WDFY1: variants seen among roughly 807,000 people sequenced by gnomAD.
The protein encoded by WDFY1 is WD repeat and FYVE domain containing 1, also known as WD repeat and FYVE domain-containing protein 1.
A neutral mutation model predicts 56.4 loss-of-function variants in WDFY1; 32 were observed. The ratio of observed to expected loss-of-function variants is 0.57; its 90% CI spans 0.43 to 0.76. The LOEUF (loss-of-function observed/expected upper bound fraction) is 0.76, where lower values mean the gene tolerates loss of function less well. WDFY1 is among the 30% of genes least tolerant of loss of function. The pLI is 0.00. For missense variants in WDFY1, 480 were observed against 545.7 expected (o/e 0.88, Z 1.20); for synonymous variants, 192 against 197.3 (o/e 0.97, Z 0.23).
intron 10 of WDFY1, among the ~76,000 whole-genome samples, chr2:223,881,517 C>T (rs1005829018): frequency 4.6e-5 from 7 of 152,174 alleles, no homozygotes; most frequent in African/African-American, 9.7e-5. Flanking sequence ...GGGCCAGGCA[C>T]GGTGGCTCGC....
At chr2:223,926,802 G>C (rs1211425635) in intron 1 of WDFY1, among the ~76,000 whole-genome samples, 1 of 152,098 alleles carries the variant, frequency 6.6e-6, no homozygotes, top group Non-Finnish European at 1.5e-5. Context: ...TGAGCAGCTG[G>C]ACTTACAGAT....
chr2:223,940,103 G>C (rs1210386258), intron 1 of WDFY1, among the ~76,000 whole-genome samples: 2 of 152,134 alleles, frequency 1.3e-5, no homozygotes, highest in Admixed American at 6.5e-5. Context: ...GGTGGATCAC[G>C]AGGTTTGGAG....
In WDFY1 at chr2:223,905,955, G is replaced by A; in HGVS notation, c.326C>T (p.Thr109Ile). 1 of 1,576,078 alleles carries A rather than the reference G, an allele frequency of 6.3e-7. No homozygotes were observed. The highest frequency in any genetic ancestry group is 1.2e-5 in the South Asian group (1 of 84,224). The change falls in exon 4 of 12, where the codon ACC becomes ATC. Residue 109 changes from threonine to isoleucine, a missense_variant. Coordinates refer to ENST00000233055, the MANE Select transcript of WDFY1 (RefSeq NM_020830.5). ...EDFNKMNFIK[T>I]YPAHQNRVSA... ...ATGTGTATTATAATTACCTGGGTAG[G>A]TCTTGATAAAGTTCATTTTATTAAA...
chr2:223,888,901 C>CTTT (rs71058955), intron 8 of WDFY1, among the ~76,000 whole-genome samples: 1 of 61,432 alleles, frequency 1.6e-5, no homozygotes, highest in African/African-American at 6.6e-5. Flanking sequence ...ATTCTCAACT[C>CTTT]TTTTTTTTTT....
chr2:223,886,968 C>CT (rs1414491828), intron 8 of WDFY1, among the ~76,000 whole-genome samples: 1 of 151,758 alleles, frequency 6.6e-6, no homozygotes, highest in Non-Finnish European at 1.5e-5. Flanking sequence ...TTAGAAAGGC[C>CT]TTTTTTTGAG....
In WDFY1 at chr2:223,903,124, A is replaced by G. The variant is rs1243776864; in HGVS notation, c.335-1791T>C. Among the ~76,000 whole-genome samples the G allele has an allele frequency of 6.2e-4, 94 of 152,184 alleles. 1 individual carries two copies. The highest frequency in any genetic ancestry group is 2.9e-4 in the Non-Finnish European group (20 of 68,030). ...CAAAATAAAAAATACAGCAATCCCT[A>G]TATTAGTCCTCCAAATGTTTTCTAA... is the stretch of plus-strand genomic sequence containing the variant. On this transcript the variant is annotated intron_variant, in intron 4 of 11. Transcript: ENST00000233055.
At chr2:223,926,334 A>G (rs1693977878) in intron 1 of WDFY1, among the ~76,000 whole-genome samples, 1 of 152,106 alleles carries the variant, frequency 6.6e-6, no homozygotes, top group African/African-American at 2.4e-5. Context: ...GCTTTTATAA[A>G]GTCTCATTCT....
chr2:223,893,046 C>A (rs981344130), intron 8 of WDFY1, among the ~76,000 whole-genome samples: 1 of 152,084 alleles, frequency 6.6e-6, no homozygotes, highest in African/African-American at 2.4e-5. Context: ...ACAGTACAGG[C>A]AGAGATGAGA....
At chr2:223,897,992 A>T (rs543437767) in intron 6 of WDFY1, among the ~76,000 whole-genome samples, 8 of 152,062 alleles carry the variant, frequency 5.3e-5, no homozygotes, top group African/African-American at 1.9e-4. Flanking sequence ...AACCAATTAA[A>T]CCTCTTTTCT....
intron 1 of WDFY1, among the ~76,000 whole-genome samples, chr2:223,935,692 AAGATGAAT>A (rs1694157704): frequency 6.6e-6 from 1 of 152,234 alleles, no homozygotes; most frequent in African/African-American, 2.4e-5. Flanking sequence ...GTGGGAAGAT[AAGATGAAT>A]AAACACAAAG....
chr2:223,923,629 C>T (rs504330), intron 1 of WDFY1, among the ~76,000 whole-genome samples: 49,035 of 151,714 alleles, frequency 0.32, 9,354 homozygotes, highest in Non-Finnish European at 0.42. Flanking sequence ...GGCGTGGTGG[C>T]GGGCACCTGT....
chr2:223,884,666 C>G lies in WDFY1; in HGVS notation c.915G>C (p.Lys305Asn). Residue 305 changes from lysine to asparagine, a missense_variant, in exon 9 of 12, where the codon AAG becomes AAC. By Grantham distance (94) the Lys-to-Asn change is moderately conservative (BLOSUM62 0). Transcript: ENST00000233055. ...TACTCACTTGTCTTAGCCCCAGCGT[C>G]TTGGTGTCCCACATCTGCTTTATGT... ...FWNIKQMWDT[K>N]TLGLRQHHCR... The G allele has an allele frequency of 6.2e-7, 1 of 1,614,112 alleles. No individual in the cohort carries two copies. Among genetic ancestry groups the G allele is most frequent in the Non-Finnish European group, 8.5e-7 (1 of 1,179,974 alleles).
At chr2:223,894,868 G>A (rs1289395455) in intron 7 of WDFY1, among the ~76,000 whole-genome samples, 1 of 152,118 alleles carries the variant, frequency 6.6e-6, no homozygotes, top group East Asian at 1.9e-4. Flanking sequence ...TGTTATACTT[G>A]TGTATAATAT....
At position 223,945,328 on chromosome 2, in the gene WDFY1, C is replaced by T; in HGVS notation, c.-44G>A. 1.3e-6 allele frequency: 2 copies of T among 1,517,006 alleles called. No individual in the cohort carries two copies. The highest frequency in any genetic ancestry group is 1.8e-6 in the Non-Finnish European group (2 of 1,141,678). The allele number at this position is 1,517,006 out of a possible 1,614,324, so 94.0% of individuals were successfully genotyped here. On this transcript the variant is annotated 5_prime_UTR_variant, in exon 1 of 12. Coordinates refer to ENST00000233055, the MANE Select transcript of WDFY1 (RefSeq NM_020830.5). ...GCGGCCTCCTCGGCAGGCAGCCCAT[C>T]AGCTGACGCCTGGGCGGGCGGGGGA...
At position 223,875,475 on chromosome 2, in the gene WDFY1, T is replaced by C. The variant is rs1204263231; in HGVS notation, c.*3196A>G. On this transcript the variant is annotated 3_prime_UTR_variant, in exon 12 of 12. Coordinates refer to ENST00000233055, the MANE Select transcript of WDFY1 (RefSeq NM_020830.5). ...GGGATACACAGGGCACCATATCTTA[T>C]AGAAACATAGCTAGTACAAGAACAA... The C allele has an allele frequency of 2.6e-5, 4 of 151,802 alleles. No homozygotes were observed. Among genetic ancestry groups the C allele is most frequent in the East Asian group, 3.9e-4 (2 of 5,192 alleles). The allele number at this position is 151,802 out of a possible 1,614,324, so 9.4% of individuals were successfully genotyped here.
At chr2:223,906,632 G>C (rs956755870) in intron 3 of WDFY1, among the ~76,000 whole-genome samples, 1 of 151,978 alleles carries the variant, frequency 6.6e-6, no homozygotes, top group African/African-American at 2.4e-5. Flanking sequence ...TGATTCTCCT[G>C]CCTCAGCCTC....
intron 7 of WDFY1, 82 bp from the exon 8 acceptor site, chr2:223,894,421 C>G (rs1693327382): frequency 7.1e-7 from 1 of 1,412,450 alleles, no homozygotes; most frequent in African/African-American, 1.4e-5. Flanking sequence ...AAATTGCTCT[C>G]CTCATTAAAA....
At chr2:223,908,218 A>G (rs1021532136) in intron 3 of WDFY1, among the ~76,000 whole-genome samples, 2 of 152,110 alleles carry the variant, frequency 1.3e-5, no homozygotes, top group African/African-American at 4.8e-5. Context: ...TCTCATAACT[A>G]TACTTCTACT....
chr2:223,900,202 T>C (rs919206974), intron 5 of WDFY1, among the ~76,000 whole-genome samples: 4 of 152,216 alleles, frequency 2.6e-5, no homozygotes, highest in Non-Finnish European at 4.4e-5. Context: ...GCATGAACTG[T>C]GATTCTGTGT....
Sources: allele counts gnomAD v4.1 joint callset (sites outside exome capture counted in the v4.1 genomes callset), GRCh38; gene constraint gnomAD v4.1.1; transcripts MANE v1.5; gene names NCBI Gene and HGNC (gene_info 2026-07-23, HGNC 2026-07-21).